ITCH: variants seen among roughly 807,000 people sequenced by gnomAD.
ITCH encodes E3 ubiquitin-protein ligase Itchy homolog.
A neutral mutation model predicts 126.8 loss-of-function variants in ITCH; 28 were observed. The observed-to-expected ratio is 0.22, with a 90% CI of 0.16 to 0.30. The LOEUF is 0.30. Among genes scored for constraint, ITCH ranks in the 10% least tolerant of loss-of-function variants. The pLI, the probability that ITCH is intolerant of heterozygous loss-of-function variation, is 1.00. For synonymous variants in ITCH, 342 were observed against 340.0 expected, an observed-to-expected ratio of 1.01 and a Z score of -0.06; for missense variants, 631 against 1,032.4, an observed-to-expected ratio of 0.61 and a Z score of 5.33.
chr20:34,475,021 C>T lies in ITCH; in HGVS notation c.1570-2751C>T, dbSNP rs572290467. 8.2e-4 allele frequency among the ~76,000 whole-genome samples: 121 copies of T among 146,774 alleles called. 1 individual carries two copies. Among genetic ancestry groups the T allele is most frequent in the Non-Finnish European group, 1.3e-3 (86 of 66,994 alleles). On this transcript the variant is annotated intron_variant, in intron 16 of 24. Transcript: ENST00000374864. Reference sequence around the variant, plus strand: ...GGCGCTCCTCACATCCCAGACGGGGCGGCGGGGCAGAGGCGCTCCCCACAT... The same window carrying T: ...GGCGCTCCTCACATCCCAGACGGGGTGGCGGGGCAGAGGCGCTCCCCACAT...
chr20:34,459,766 A>G (rs533417519), intron 13 of ITCH, among the ~76,000 whole-genome samples: 2 of 152,376 alleles, frequency 1.3e-5, no homozygotes, highest in Admixed American at 6.5e-5. Flanking sequence ...AAATAAAAAA[A>G]GATATGCTTT....
intron 8 of ITCH, among the ~76,000 whole-genome samples, 200 bp from the exon 9 acceptor site, chr20:34,439,955 G>A (rs1983519665): frequency 6.6e-6 from 1 of 152,146 alleles, no homozygotes; most frequent in Non-Finnish European, 1.5e-5. Context: ...GGGGTAGACA[G>A]GACCGAAAAA....
chr20:34,481,143 A>G lies in ITCH; in HGVS notation c.2030A>G (p.His677Arg). The stretch of plus-strand genomic sequence containing the variant: ...GAAATTCTAGGTGAAATTAAGAGTC[A>G]TGATCTGAAACCTAATGGTGGCAAT... ...DKEILGEIKS[H>R]DLKPNGGNIL... Residue 677 changes from histidine to arginine, a missense_variant, in exon 20 of 25, where the codon CAT becomes CGT. This residue lies in a region of ITCH where 390 missense variants were observed against 731.6 expected (regional missense o/e 0.53). Coordinates refer to ENST00000374864, the MANE Select transcript of ITCH (RefSeq NM_031483.7). 4 of 1,613,362 alleles carry G rather than the reference A, an allele frequency of 2.5e-6. No individual in the cohort carries two copies. Among genetic ancestry groups the G allele is most frequent in the South Asian group, 1.1e-5 (1 of 91,070 alleles).
intron 2 of ITCH, among the ~76,000 whole-genome samples, chr20:34,386,920 A>G (rs2038303774): frequency 6.6e-6 from 1 of 152,062 alleles, no homozygotes. Context: ...GGTTAATTTT[A>G]CCTCTGGCAG....
At chr20:34,364,539 C>T (rs2037334447) in intron 1 of ITCH, among the ~76,000 whole-genome samples, 1 of 151,698 alleles carries the variant, frequency 6.6e-6, no homozygotes, top group South Asian at 2.1e-4. Flanking sequence ...TGAGAGCTTG[C>T]TATGTGTATT....
At chr20:34,417,469 G>A (rs542436883) in intron 6 of ITCH, among the ~76,000 whole-genome samples, 142 of 144,486 alleles carry the variant, frequency 9.8e-4, no homozygotes, top group African/African-American at 3.4e-3. Context: ...GCACGATCTC[G>A]GCTCACTACA....
intron 24 of ITCH, among the ~76,000 whole-genome samples, chr20:34,507,263 GTTTTT>G (rs776161631): frequency 1.8e-4 from 7 of 39,162 alleles, no homozygotes; most frequent in Non-Finnish European, 2.4e-4. Flanking sequence ...GTTTTCTTCT[GTTTTT>G]TTTTTTTTTT....
At chr20:34,402,746 C>T in intron 3 of ITCH, 1 of 323,152 alleles carries the variant, frequency 3.1e-6, no homozygotes, top group South Asian at 3.9e-5. Context: ...CTCATGTTGA[C>T]CTCAGCTTCT....
At chr20:34,364,140 G>C (rs1187905405) in intron 1 of ITCH, among the ~76,000 whole-genome samples, 4 of 152,242 alleles carry the variant, frequency 2.6e-5, no homozygotes, top group Non-Finnish European at 5.9e-5. Flanking sequence ...GAGAATCGCA[G>C]AATTTGTGCG....
intron 13 of ITCH, among the ~76,000 whole-genome samples, chr20:34,459,748 C>T (rs191836791): frequency 2.1e-3 from 326 of 152,202 alleles, no homozygotes; most frequent in African/African-American, 7.6e-3. Context: ...AAAACTAAAA[C>T]TAAAAATAAA....
At position 34,508,802 on chromosome 20, in the gene ITCH, A is replaced by T. The variant is rs1019107516; in HGVS notation, c.*1008A>T. 2.6e-5 allele frequency: 4 copies of T among 152,206 alleles called. No individual in the cohort carries two copies. Among genetic ancestry groups the T allele is most frequent in the Non-Finnish European group, 5.9e-5 (4 of 68,036 alleles). 9.4% of individuals were successfully genotyped at this position (152,206 alleles called of 1,614,324 possible). ...CTTTATAGTTTTATCATAATCCAAC[A>T]ACTTCAGTTATATTTAATTATTGTT... On this transcript the variant is annotated 3_prime_UTR_variant, in exon 25 of 25. Transcript: ENST00000374864.
intron 14 of ITCH, among the ~76,000 whole-genome samples, chr20:34,468,512 C>A (rs958563445): frequency 6.6e-6 from 1 of 151,506 alleles, no homozygotes; most frequent in Non-Finnish European, 1.5e-5. Flanking sequence ...AAATACAGGC[C>A]GGGCATGGTG....
chr20:34,502,549 A>T (rs943959069), intron 23 of ITCH, among the ~76,000 whole-genome samples: 6 of 150,866 alleles, frequency 4.0e-5, no homozygotes, highest in Non-Finnish European at 5.9e-5. Flanking sequence ...CATCTCTACT[A>T]AAAATACAAA....
intron 2 of ITCH, among the ~76,000 whole-genome samples, chr20:34,387,302 CA>C (rs879381228): frequency 0.04 from 4,811 of 121,304 alleles, 179 homozygotes; most frequent in African/African-American, 0.11. Context: ...ATGTCTGTCT[CA>C]AAAAAAAAAA....
intron 5 of ITCH, among the ~76,000 whole-genome samples, chr20:34,412,879 G>A (rs1979241941): frequency 6.6e-6 from 1 of 151,994 alleles, no homozygotes; most frequent in South Asian, 2.1e-4. Context: ...ATAGATATTA[G>A]TAAAGTAATA....
At position 34,471,777 on chromosome 20, in the gene ITCH, T is replaced by TTGTGTGTG. The variant is rs10667439; in HGVS notation, c.1569+274_1569+281dup. Among the ~76,000 whole-genome samples the TTGTGTGTG allele has an allele frequency of 2.7e-3, 146 of 53,874 alleles. 7 individuals are homozygous for TTGTGTGTG. The highest frequency in any genetic ancestry group is 0.018 in the East Asian group (43 of 2,390). The allele number at this position is 53,874 out of a possible 152,430, so 35.3% of individuals were successfully genotyped here. On this transcript the variant is annotated intron_variant, in intron 16 of 24. Transcript: ENST00000374864. ...TAAATGCATAGGTAAGATAATAGGT[T>TTGTGTGTG]TGTGTGTGTGTGTGTGTGTTTCAGG...
chr20:34,437,858 C>T (rs994793504), intron 7 of ITCH, among the ~76,000 whole-genome samples: 4 of 152,148 alleles, frequency 2.6e-5, no homozygotes, highest in African/African-American at 9.7e-5. Context: ...AGTGTTCTTC[C>T]CTCCTTTCTA....
At chr20:34,401,978 G>A (rs1325976394) in intron 3 of ITCH, among the ~76,000 whole-genome samples, 1 of 152,164 alleles carries the variant, frequency 6.6e-6, no homozygotes, top group Non-Finnish European at 1.5e-5. Context: ...ATACGGGGGG[G>A]CGGCGCATAG....
chr20:34,418,542 A>G lies in ITCH; in HGVS notation c.475+4663A>G, dbSNP rs557675092. 7.9e-4 allele frequency among the ~76,000 whole-genome samples: 120 copies of G among 152,270 alleles called. 1 individual carries two copies. Among genetic ancestry groups the G allele is most frequent in the Non-Finnish European group, 1.2e-3 (81 of 68,026 alleles). On this transcript the variant is annotated intron_variant, in intron 6 of 24. Coordinates refer to ENST00000374864, the MANE Select transcript of ITCH (RefSeq NM_031483.7). ...CTAGAATAATAAATTCTAAGAAAGT[A>G]GCCTAAATTTTTTGCTTTACCAAAT... is the stretch of plus-strand genomic sequence containing the variant.
Sources: gnomAD v4.1 joint callset for allele counts (sites outside exome capture counted in the v4.1 genomes callset) on GRCh38, gnomAD v4.1.1 for gene constraint, gnomAD v4.1.1 regional missense constraint, MANE v1.5 for transcripts, NCBI Gene and HGNC (gene_info 2026-07-23, HGNC 2026-07-21) for gene names.